Variants in MMP16 observed in about 807,000 individuals in gnomAD.
MMP16 encodes the protein matrix metalloproteinase-16.
A neutral mutation model predicts 67.8 loss-of-function variants in MMP16; 12 were observed. That is an observed-to-expected ratio of 0.18 (90% CI 0.11 to 0.29). The LOEUF is 0.29. Among genes scored for constraint, MMP16 ranks in the 10% least tolerant of loss-of-function variants. MMP16 has a pLI of 1.00. For missense variants in MMP16, 475 were observed against 765.7 expected (o/e 0.62, Z 4.48); for synonymous variants, 249 against 255.9 (o/e 0.97, Z 0.26).
chr8:88,272,056 T>C (rs1226322624), intron 1 of MMP16, among the ~76,000 whole-genome samples: 1 of 152,202 alleles, frequency 6.6e-6, no homozygotes, highest in Non-Finnish European at 1.5e-5. Context: ...GGACAATATA[T>C]AAACTACATT....
chr8:88,050,698 G>T (rs1480046256), intron 8 of MMP16, among the ~76,000 whole-genome samples: 1 of 152,182 alleles, frequency 6.6e-6, no homozygotes, highest in Non-Finnish European at 1.5e-5. Flanking sequence ...GAATGTGGTA[G>T]AATTGAAATT....
At chr8:88,108,840 A>T (rs1362762221) in intron 6 of MMP16, among the ~76,000 whole-genome samples, 2 of 151,372 alleles carry the variant, frequency 1.3e-5, no homozygotes, top group Non-Finnish European at 3.0e-5. Context: ...AAGCTTGGTA[A>T]ATCTCTCCAT....
Position 88,037,864 on chromosome 8 carries a change from A to G in MMP16, c.*3597T>C, listed in dbSNP as rs1808075538. ...TATTAGATAAAGTAATGAGAAATGA[A>G]GCAGAAGGAGAATTATTTTTGCAGG... On this transcript the variant is annotated 3_prime_UTR_variant, in exon 10 of 10. Transcript: ENST00000286614. 6.6e-6 allele frequency: 1 copy of G among 152,016 alleles called. No individual in the cohort carries two copies. Among genetic ancestry groups the G allele is most frequent in the Non-Finnish European group, 1.5e-5 (1 of 67,924 alleles). 9.4% of individuals were successfully genotyped at this position (152,016 alleles called of 1,614,324 possible). A position where few individuals can be genotyped will look rare whatever the true frequency, so the allele number is the denominator to read the frequency against.
chr8:88,199,312 C>A (rs941552298), intron 1 of MMP16, among the ~76,000 whole-genome samples: 11 of 151,952 alleles, frequency 7.2e-5, no homozygotes, highest in Admixed American at 5.9e-4. Flanking sequence ...GCCTTTCAAA[C>A]AAATGTTTTA....
intron 7 of MMP16, among the ~76,000 whole-genome samples, chr8:88,065,514 T>C (rs546096086): frequency 5.9e-5 from 9 of 152,132 alleles, no homozygotes; most frequent in Non-Finnish European, 1.3e-4. Flanking sequence ...ATATTTATAA[T>C]TCAAAAAATA....
intron 2 of MMP16, among the ~76,000 whole-genome samples, chr8:88,191,420 C>G (rs78537870): frequency 0.018 from 2,684 of 152,230 alleles, 83 homozygotes; most frequent in African/African-American, 0.059. Flanking sequence ...AATTCTAATT[C>G]TAATAACTAT....
intron 4 of MMP16, among the ~76,000 whole-genome samples, chr8:88,140,355 T>TC (rs2118499709): frequency 6.6e-6 from 1 of 152,276 alleles, no homozygotes; most frequent in Admixed American, 6.5e-5. Flanking sequence ...AGAAACTATA[T>TC]CCTTTTTATG....
At chr8:88,056,320 G>A in intron 7 of MMP16, 42 bp from the exon 8 acceptor site, 1 of 1,115,742 alleles carries the variant, frequency 9.0e-7, no homozygotes, top group African/African-American at 1.6e-5. Flanking sequence ...TTAATTTAAT[G>A]TCATAATTAG....
chr8:88,118,536 C>A (rs1271978603), intron 5 of MMP16, among the ~76,000 whole-genome samples, 164 bp downstream of exon 5: 1 of 152,014 alleles, frequency 6.6e-6, no homozygotes, highest in Non-Finnish European at 1.5e-5. Flanking sequence ...GGGACCTTTG[C>A]CAACAAAATT....
At chr8:88,254,810 T>TA (rs1039879916) in intron 1 of MMP16, among the ~76,000 whole-genome samples, 16 of 152,102 alleles carry the variant, frequency 1.1e-4, no homozygotes, top group Non-Finnish European at 2.1e-4. Context: ...GGACATGAGA[T>TA]AAAAACTAAG....
intron 1 of MMP16, among the ~76,000 whole-genome samples, chr8:88,326,319 G>A (rs1271521381): frequency 6.6e-6 from 1 of 152,134 alleles, no homozygotes; most frequent in Non-Finnish European, 1.5e-5. Context: ...CTTTTGCTTT[G>A]TGCCGTCTGT....
chr8:88,203,967 A>G (rs2129798861), intron 1 of MMP16, among the ~76,000 whole-genome samples: 1 of 152,330 alleles, frequency 6.6e-6, no homozygotes, highest in Middle Eastern at 3.4e-3. Context: ...GAGAAAAGAA[A>G]TTGTTTTTCA....
At chr8:88,199,017 C>T (rs1468881363) in intron 1 of MMP16, among the ~76,000 whole-genome samples, 10 of 151,924 alleles carry the variant, frequency 6.6e-5, no homozygotes, top group South Asian at 4.1e-4. Flanking sequence ...AAAATTAGAA[C>T]GTTGTATCTT....
chr8:88,072,905 T>C (rs143753590), intron 7 of MMP16, among the ~76,000 whole-genome samples: 1 of 152,104 alleles, frequency 6.6e-6, no homozygotes, highest in African/African-American at 2.4e-5. Flanking sequence ...ATGCTGGCTG[T>C]TGAAAGATGA....
At chr8:88,282,083 G>GT (rs1563582983) in intron 1 of MMP16, among the ~76,000 whole-genome samples, 1 of 4,756 alleles carries the variant, frequency 2.1e-4, no homozygotes, top group Admixed American at 3.5e-3. Flanking sequence ...TTTCTTTTTT[G>GT]GGGGGGGGGG....
chr8:88,173,596 G>C (rs1352060609), intron 3 of MMP16, among the ~76,000 whole-genome samples: 1 of 151,980 alleles, frequency 6.6e-6, no homozygotes, highest in Admixed American at 6.6e-5. Flanking sequence ...CTACAAAAGG[G>C]AAAGCAGACA....
intron 6 of MMP16, among the ~76,000 whole-genome samples, chr8:88,097,340 CTAGGTGCAGTGGCTCA>C (rs1809045974): frequency 6.6e-6 from 1 of 151,784 alleles, no homozygotes; most frequent in African/African-American, 2.4e-5. Context: ...AGAATGGAGG[CTAGGTGCAGTGGCTCA>C]TGCCTCTAAT....
At chr8:88,091,936 G>C (rs1808945189) in intron 6 of MMP16, among the ~76,000 whole-genome samples, 1 of 151,762 alleles carries the variant, frequency 6.6e-6, no homozygotes, top group Non-Finnish European at 1.5e-5. Context: ...CTATTGAATA[G>C]CCTTGCTCTA....
intron 8 of MMP16, among the ~76,000 whole-genome samples, chr8:88,048,316 C>T (rs1242383190): frequency 6.6e-6 from 1 of 152,104 alleles, no homozygotes; most frequent in Non-Finnish European, 1.5e-5. Context: ...CAGGCTAGTC[C>T]GTGAGCCACT....
Sources: gnomAD v4.1 joint callset for allele counts (sites outside exome capture counted in the v4.1 genomes callset) on GRCh38, gnomAD v4.1.1 for gene constraint, MANE v1.5 for transcripts, NCBI Gene and HGNC (gene_info 2026-07-23, HGNC 2026-07-21) for gene names.